The following SORCS1 variants were observed in gnomAD, a reference collection of about 807,000 sequenced individuals.
SORCS1 encodes the protein VPS10 domain-containing receptor SorCS1.
A neutral mutation model predicts 146.1 loss-of-function variants in SORCS1; 60 were observed. The ratio of observed to expected loss-of-function variants is 0.41; its 90% CI spans 0.33 to 0.51. The LOEUF (loss-of-function observed/expected upper bound fraction) is 0.51. SORCS1 is among the 20% of genes least tolerant of loss of function. The pLI, the probability that SORCS1 is intolerant of heterozygous loss-of-function variation, is 0.21. For missense variants in SORCS1, 1,352 were observed against 1,487.6 expected (o/e 0.91, Z 1.50); for synonymous variants, 637 against 584.0 (o/e 1.09, Z -1.31).
At chr10:106,639,209 T>C (rs922829770) in intron 18 of SORCS1, among the ~76,000 whole-genome samples, 1 of 152,108 alleles carries the variant, frequency 6.6e-6, no homozygotes, top group Non-Finnish European at 1.5e-5. Context: ...CAGGCGAGGA[T>C]TGCATGGTGT....
chr10:106,579,469 G>A lies in SORCS1; in HGVS notation c.3271C>T (p.Leu1091=). The part of the protein sequence containing the change: ...VHAAHLTAAP[L]VDLTPTHSGS... ...CTGTGGGTTGGAGTGAGGTCCACCA[G>A]GGGGGCTTGTGGGGGAAACAGAGCA... Residue 1091 remains leucine, a synonymous_variant, in exon 25 of 26, where the codon CTG becomes TTG. Transcript: ENST00000263054. The A allele has an allele frequency of 6.2e-7, 1 of 1,613,670 alleles. No homozygotes were observed. The highest frequency in any genetic ancestry group is 8.5e-7 in the Non-Finnish European group (1 of 1,179,836).
chr10:107,011,510 A>G (rs1425980036), intron 1 of SORCS1, among the ~76,000 whole-genome samples: 1 of 152,178 alleles, frequency 6.6e-6, no homozygotes, highest in South Asian at 2.1e-4. Flanking sequence ...CTACCCAATG[A>G]TCACTCCATT....
chr10:106,981,090 G>A (rs1218551927), intron 1 of SORCS1, among the ~76,000 whole-genome samples: 3 of 152,120 alleles, frequency 2.0e-5, no homozygotes, highest in African/African-American at 4.8e-5. Flanking sequence ...GAATGACTCA[G>A]AAAGTCTATT....
At chr10:107,005,688 CA>C in intron 1 of SORCS1, among the ~76,000 whole-genome samples, 1 of 152,072 alleles carries the variant, frequency 6.6e-6, no homozygotes, top group African/African-American at 2.4e-5. Flanking sequence ...GTATTTTCCA[CA>C]ATAAGATTAT....
At chr10:106,843,626 G>C (rs1278504746) in intron 2 of SORCS1, among the ~76,000 whole-genome samples, 1 of 151,802 alleles carries the variant, frequency 6.6e-6, no homozygotes, top group Non-Finnish European at 1.5e-5. Context: ...TAGTAGAGAC[G>C]GGATTTCACC....
chr10:106,879,042 C>CG (rs975131406), intron 2 of SORCS1, among the ~76,000 whole-genome samples: 2 of 150,560 alleles, frequency 1.3e-5, no homozygotes, highest in Admixed American at 1.3e-4. Flanking sequence ...CCCAGCTACT[C>CG]GGGGGGCTGA....
chr10:106,950,279 T>A (rs1954606458), intron 2 of SORCS1, among the ~76,000 whole-genome samples: 1 of 152,208 alleles, frequency 6.6e-6, no homozygotes, highest in Non-Finnish European at 1.5e-5. Context: ...TACAGTGACA[T>A]CTCGTTCTGT....
intron 1 of SORCS1, among the ~76,000 whole-genome samples, chr10:107,152,696 T>C (rs1968923767): frequency 6.6e-6 from 1 of 152,198 alleles, no homozygotes; most frequent in South Asian, 2.1e-4. Context: ...GCCATGATTG[T>C]AAGTTTCTGG....
chr10:106,908,540 G>A (rs574554213), intron 2 of SORCS1, among the ~76,000 whole-genome samples: 51 of 152,218 alleles, frequency 3.4e-4, no homozygotes, highest in African/African-American at 7.2e-4. Flanking sequence ...GAACTTTCTC[G>A]GATTCAGCCA....
chr10:106,769,960 G>A (rs1323454582), intron 4 of SORCS1, among the ~76,000 whole-genome samples: 1 of 152,170 alleles, frequency 6.6e-6, no homozygotes, highest in Non-Finnish European at 1.5e-5. Flanking sequence ...AGGCATGGTG[G>A]CAGGTGCCTG....
chr10:107,068,115 G>A (rs1004040807), intron 1 of SORCS1, among the ~76,000 whole-genome samples: 7 of 152,094 alleles, frequency 4.6e-5, no homozygotes, highest in Non-Finnish European at 7.3e-5. Context: ...AGAGGCATGC[G>A]AATTGCTTTC....
chr10:106,931,314 G>A (rs913146121), intron 2 of SORCS1, among the ~76,000 whole-genome samples: 3 of 152,128 alleles, frequency 2.0e-5, no homozygotes, highest in South Asian at 2.1e-4. Flanking sequence ...ACAAAGAAAC[G>A]TGGTCCTACC....
At chr10:107,061,650 A>G (rs1961244108) in intron 1 of SORCS1, among the ~76,000 whole-genome samples, 1 of 152,180 alleles carries the variant, frequency 6.6e-6, no homozygotes, top group African/African-American at 2.4e-5. Flanking sequence ...TAAGGCTCCA[A>G]TACAACAGAT....
intron 5 of SORCS1, among the ~76,000 whole-genome samples, chr10:106,740,378 T>C (rs1481767510): frequency 6.6e-6 from 1 of 152,144 alleles, no homozygotes; most frequent in Non-Finnish European, 1.5e-5. Flanking sequence ...TCTGAATTAA[T>C]TTTTTAATGA....
intron 3 of SORCS1, among the ~76,000 whole-genome samples, chr10:106,790,081 G>A (rs1946239779): frequency 6.6e-6 from 1 of 152,178 alleles, no homozygotes. Flanking sequence ...AACACCTAAG[G>A]ATAACAATTC....
chr10:107,087,045 A>G (rs181561156), intron 1 of SORCS1, among the ~76,000 whole-genome samples: 14 of 152,348 alleles, frequency 9.2e-5, no homozygotes, highest in Admixed American at 2.0e-4. Context: ...ACAAACAAAC[A>G]AAAACAAAAT....
chr10:106,629,062 G>T, intron 19 of SORCS1, 140 bp downstream of exon 19: 3 of 680,880 alleles, frequency 4.4e-6, no homozygotes, highest in Non-Finnish European at 7.3e-6. Flanking sequence ...CCTTATTTTG[G>T]TCTCTTAATC....
intron 2 of SORCS1, among the ~76,000 whole-genome samples, chr10:106,878,649 T>TATATGTATATATATATATATA (rs1491300730): frequency 7.3e-6 from 1 of 137,872 alleles, no homozygotes; most frequent in African/African-American, 2.7e-5. Context: ...TATATATATA[T>TATATGTATATATATATATATA]TTTATAGCAG....
intron 2 of SORCS1, among the ~76,000 whole-genome samples, chr10:106,906,773 A>T (rs1019414402): frequency 1.3e-5 from 2 of 152,112 alleles, no homozygotes; most frequent in African/African-American, 4.8e-5. Flanking sequence ...TCAGATACAA[A>T]CCTGAGAATC....
Sources: allele counts gnomAD v4.1 joint callset (sites outside exome capture counted in the v4.1 genomes callset), GRCh38; gene constraint gnomAD v4.1.1; transcripts MANE v1.5; gene names NCBI Gene and HGNC (gene_info 2026-07-23, HGNC 2026-07-21).